The following PPP1R7 variants were observed in gnomAD, a reference collection of about 807,000 sequenced individuals.
PPP1R7 encodes protein phosphatase 1 regulatory subunit 7, also known as protein phosphatase 1 regulatory subunit 22.
PPP1R7 carries 18 observed loss-of-function variants against 45.2 expected under a neutral mutation model. That is an observed-to-expected ratio of 0.40 (90% CI 0.28 to 0.59). The LOEUF (loss-of-function observed/expected upper bound fraction) is 0.59. PPP1R7 is among the 20% of genes least tolerant of loss of function. The pLI, the probability that PPP1R7 is intolerant of heterozygous loss-of-function variation, is 0.46. For missense variants in PPP1R7, 314 were observed against 455.8 expected, an observed-to-expected ratio of 0.69 and a Z score of 2.83; for synonymous variants, 181 against 183.4, an observed-to-expected ratio of 0.99 and a Z score of 0.11.
At chr2:241,154,486 G>A (rs1053600755) in intron 2 of PPP1R7, among the ~76,000 whole-genome samples, 3 of 151,782 alleles carry the variant, frequency 2.0e-5, no homozygotes, top group African/African-American at 4.8e-5. Flanking sequence ...TCAGGAGTTC[G>A]AGACCAGCCT....
intron 9 of PPP1R7, among the ~76,000 whole-genome samples, chr2:241,180,388 T>TAA (rs58267372): frequency 0.23 from 23,211 of 99,300 alleles, 2,793 homozygotes; most frequent in Admixed American, 0.29. Flanking sequence ...GCTGGTGAGC[T>TAA]AAAAAAAAAA....
chr2:241,160,256 T>C (rs2067555022), intron 5 of PPP1R7, 76 bp from the exon 6 acceptor site: 2 of 1,231,462 alleles, frequency 1.6e-6, no homozygotes, highest in Non-Finnish European at 2.2e-6. Flanking sequence ...GACGCCACCT[T>C]TAGTGGTTAA....
At position 241,169,516 on chromosome 2, in the gene PPP1R7, C is replaced by T. The variant is rs547058175; in HGVS notation, c.820-265C>T. Among the ~76,000 whole-genome samples the T allele has an allele frequency of 3.3e-5, 5 of 152,334 alleles. No individual in the cohort carries two copies. In the South Asian group the frequency reaches 1.0e-3, roughly 32 times the overall value. On this transcript the variant is annotated intron_variant, in intron 8 of 9. Coordinates refer to ENST00000234038, the MANE Select transcript of PPP1R7 (RefSeq NM_002712.3). ...TGGACAGGGATCTGGGAGGACTGGG[C>T]TTGGAGTCTGACACAGTCTCAAATT...
intron 8 of PPP1R7, chr2:241,167,200 T>A: frequency 2.2e-6 from 2 of 904,072 alleles, no homozygotes; most frequent in Non-Finnish European, 3.3e-6. Flanking sequence ...TCTGTTTTGT[T>A]AAATTGCCAG....
intron 8 of PPP1R7, chr2:241,167,161 T>G (rs569637913): frequency 1.4e-5 from 18 of 1,242,546 alleles, no homozygotes; most frequent in Non-Finnish European, 1.9e-5. Flanking sequence ...AATAAAAGAC[T>G]TTTTCTCATT....
chr2:241,168,651 C>T (rs1410735391), intron 8 of PPP1R7, among the ~76,000 whole-genome samples: 1 of 152,082 alleles, frequency 6.6e-6, no homozygotes, highest in Non-Finnish European at 1.5e-5. Flanking sequence ...AAGGCACCTC[C>T]TAGGCAGCAT....
chr2:241,171,349 G>A (rs555579698), intron 9 of PPP1R7, among the ~76,000 whole-genome samples: 8 of 152,306 alleles, frequency 5.3e-5, no homozygotes, highest in Admixed American at 1.3e-4. Context: ...TTTGCACAGC[G>A]CTTTATGGTG....
chr2:241,156,703 T>C (rs1194899058), intron 2 of PPP1R7, among the ~76,000 whole-genome samples: 4 of 152,190 alleles, frequency 2.6e-5, no homozygotes, highest in African/African-American at 9.7e-5. Flanking sequence ...AAAAAGTTTT[T>C]TAAAAGAGAA....
chr2:241,176,960 G>A (rs2067919116), intron 9 of PPP1R7, among the ~76,000 whole-genome samples: 1 of 152,224 alleles, frequency 6.6e-6, no homozygotes, highest in African/African-American at 2.4e-5. Flanking sequence ...GCTGGGCACG[G>A]TGGCTCACAC....
chr2:241,174,851 T>C (rs367729758), intron 9 of PPP1R7, among the ~76,000 whole-genome samples: 1 of 151,962 alleles, frequency 6.6e-6, no homozygotes, highest in South Asian at 2.1e-4. Context: ...ATTTTTTTTG[T>C]ATTTTAGTAG....
chr2:241,172,463 G>A (rs2067832540), intron 9 of PPP1R7, among the ~76,000 whole-genome samples: 4 of 152,004 alleles, frequency 2.6e-5, no homozygotes, highest in African/African-American at 9.7e-5. Context: ...TGGCCAACGT[G>A]GTGAAACCCT....
At chr2:241,171,644 C>T (rs142696835) in intron 9 of PPP1R7, among the ~76,000 whole-genome samples, 5 of 152,294 alleles carry the variant, frequency 3.3e-5, no homozygotes, top group African/African-American at 7.2e-5. Context: ...TGAAACCTTC[C>T]AACTATAATT....
At chr2:241,149,827 G>A (rs1238351248), upstream of PPP1R7, 11 of 1,510,648 alleles carry the variant, frequency 7.3e-6, no homozygotes, top group Non-Finnish European at 9.7e-6. Flanking sequence ...GTCCGCACTG[G>A]GCTGGGAACG....
intron 9 of PPP1R7, among the ~76,000 whole-genome samples, chr2:241,176,576 G>A (rs2067911388): frequency 6.6e-6 from 1 of 151,676 alleles, no homozygotes; most frequent in South Asian, 2.1e-4. Context: ...TCCTGCCTCA[G>A]CCTCCCAAGT....
chr2:241,173,916 A>ATTT (rs10688614), intron 9 of PPP1R7, among the ~76,000 whole-genome samples: 16 of 145,372 alleles, frequency 1.1e-4, no homozygotes, highest in African/African-American at 3.8e-4. Context: ...ATTTGGCTTT[A>ATTT]TTTTTTTTTT....
In PPP1R7 at chr2:241,182,799, C is replaced by T. The variant is rs775007848; in HGVS notation, c.1059C>T (p.Ile353=). The T allele has an allele frequency of 1.9e-5, 30 of 1,613,304 alleles. No homozygotes were observed. Among genetic ancestry groups the T allele is most frequent in the Non-Finnish European group, 2.5e-5 (29 of 1,179,428 alleles). ...TCGCCCTCCCCTCCGTGCGGCAGAT[C>T]GATGCCACGTTCGTCAGGTTCTGAG... is the stretch of plus-strand genomic sequence containing the variant. ...VMLALPSVRQ[I]DATFVRF Residue 353 remains isoleucine, a synonymous_variant, in exon 10 of 10, where the codon ATC becomes ATT. Coordinates refer to ENST00000234038, the MANE Select transcript of PPP1R7 (RefSeq NM_002712.3).
chr2:241,150,289 C>G, upstream of PPP1R7: 3 of 1,317,398 alleles, frequency 2.3e-6, no homozygotes, highest in Non-Finnish European at 2.9e-6. Flanking sequence ...CCGGCTCCGC[C>G]GCCTGAAATT....
chr2:241,168,515 C>T (rs191626977), intron 8 of PPP1R7, among the ~76,000 whole-genome samples: 322 of 152,354 alleles, frequency 2.1e-3, no homozygotes, highest in Admixed American at 3.5e-3. Context: ...CCCACAGTCG[C>T]GTCTTCTGCA....
intron 5 of PPP1R7, 51 bp downstream of exon 5, chr2:241,159,394 G>C (rs1299987267): frequency 2.5e-6 from 4 of 1,596,240 alleles, no homozygotes; most frequent in Admixed American, 3.4e-5. Flanking sequence ...GCCACTGGGT[G>C]GGGGGTGTCC....
Sources: allele counts gnomAD v4.1 joint callset (sites outside exome capture counted in the v4.1 genomes callset), GRCh38; gene constraint gnomAD v4.1.1; transcripts MANE v1.5; gene names NCBI Gene and HGNC (gene_info 2026-07-23, HGNC 2026-07-21).